The following MDGA2 variants were observed in gnomAD, a reference collection of about 807,000 sequenced individuals.
MDGA2 encodes the protein MAM domain containing glycosylphosphatidylinositol anchor 2.
MDGA2 carries 40 observed loss-of-function variants against 117.8 expected under a neutral mutation model. The ratio of observed to expected loss-of-function variants is 0.34; its 90% confidence interval spans 0.26 to 0.44. MDGA2 has a LOEUF of 0.44. MDGA2 is among the 20% of genes least tolerant of loss of function. MDGA2 has a pLI of 1.00. For missense variants in MDGA2, 1,123 were observed against 1,250.6 expected (o/e 0.90, Z 1.54); for synonymous variants, 452 against 439.0 (o/e 1.03, Z -0.37).
intron 15 of MDGA2, among the ~76,000 whole-genome samples, chr14:46,850,583 C>A (rs369135694): frequency 1.3e-5 from 2 of 151,888 alleles, no homozygotes; most frequent in African/African-American, 4.8e-5. Context: ...TAAAAATAAC[C>A]ATTAGCATTA....
At chr14:46,865,951 A>C (rs1188617265) in intron 14 of MDGA2, among the ~76,000 whole-genome samples, 3 of 151,614 alleles carry the variant, frequency 2.0e-5, no homozygotes, top group Non-Finnish European at 4.4e-5. Context: ...AATATCATGA[A>C]AATGGCCATA....
At chr14:47,097,929 TTCA>T (rs1880070338) in intron 5 of MDGA2, among the ~76,000 whole-genome samples, 2 of 152,006 alleles carry the variant, frequency 1.3e-5, no homozygotes, top group Non-Finnish European at 1.5e-5. Flanking sequence ...GTGCAGCCTT[TTCA>T]TCAAACACTC....
At chr14:46,982,188 C>T (rs974644968) in intron 8 of MDGA2, among the ~76,000 whole-genome samples, 1 of 152,120 alleles carries the variant, frequency 6.6e-6, no homozygotes, top group Non-Finnish European at 1.5e-5. Flanking sequence ...CAATAAAAGA[C>T]ACCATATCAT....
At chr14:47,558,789 G>A (rs549571563) in intron 1 of MDGA2, among the ~76,000 whole-genome samples, 4 of 151,990 alleles carry the variant, frequency 2.6e-5, no homozygotes, top group Non-Finnish European at 4.4e-5. Flanking sequence ...ATAAAATCTT[G>A]GGGGTGTATT....
At chr14:47,569,827 T>A (rs968494244) in intron 1 of MDGA2, among the ~76,000 whole-genome samples, 2 of 152,216 alleles carry the variant, frequency 1.3e-5, no homozygotes, top group African/African-American at 4.8e-5. Flanking sequence ...TATGTACAAT[T>A]AATAACTTCT....
At chr14:46,844,940 G>A (rs1215603408) in intron 16 of MDGA2, among the ~76,000 whole-genome samples, 1 of 152,100 alleles carries the variant, frequency 6.6e-6, no homozygotes, top group Non-Finnish European at 1.5e-5. Context: ...GGAGTGCAGT[G>A]GCGTGATCTT....
At chr14:47,041,336 TAAATC>T (rs1020629746) in intron 7 of MDGA2, among the ~76,000 whole-genome samples, 3 of 152,100 alleles carry the variant, frequency 2.0e-5, no homozygotes, top group Non-Finnish European at 4.4e-5. Context: ...TTTTAGGTCT[TAAATC>T]AAATTATTTA....
At chr14:47,527,508 T>C (rs1245635316) in intron 1 of MDGA2, among the ~76,000 whole-genome samples, 1 of 152,124 alleles carries the variant, frequency 6.6e-6, no homozygotes, top group Non-Finnish European at 1.5e-5. Flanking sequence ...CTGTGAAGCA[T>C]GTGTACATGA....
At chr14:47,324,497 G>A (rs781619121) in intron 1 of MDGA2, among the ~76,000 whole-genome samples, 1 of 152,042 alleles carries the variant, frequency 6.6e-6, no homozygotes, top group Non-Finnish European at 1.5e-5. Context: ...TCCAGACTCT[G>A]GAGTTCTCTG....
At chr14:47,641,793 T>G (rs540854165) in intron 1 of MDGA2, among the ~76,000 whole-genome samples, 1 of 152,284 alleles carries the variant, frequency 6.6e-6, no homozygotes, top group South Asian at 2.1e-4. Context: ...TAGCTAAGGT[T>G]GTCAGGCACT....
At chr14:47,330,006 C>G (rs1890249457) in intron 1 of MDGA2, among the ~76,000 whole-genome samples, 1 of 151,866 alleles carries the variant, frequency 6.6e-6, no homozygotes, top group Non-Finnish European at 1.5e-5. Context: ...AATATTCAAA[C>G]TGATGTTTAT....
chr14:47,112,389 C>T (rs1881090821), intron 5 of MDGA2, among the ~76,000 whole-genome samples: 1 of 151,996 alleles, frequency 6.6e-6, no homozygotes, highest in Non-Finnish European at 1.5e-5. Flanking sequence ...TATCGTGATG[C>T]TCTCCCTCCC....
chr14:47,493,490 T>C (rs1894215944), intron 1 of MDGA2, among the ~76,000 whole-genome samples: 1 of 151,828 alleles, frequency 6.6e-6, no homozygotes, highest in Non-Finnish European at 1.5e-5. Context: ...CTGAGTTTTG[T>C]ATTTTTAGTA....
At chr14:47,644,845 T>A (rs1199423064) in intron 1 of MDGA2, among the ~76,000 whole-genome samples, 6 of 152,084 alleles carry the variant, frequency 3.9e-5, no homozygotes, top group Admixed American at 3.9e-4. Flanking sequence ...ATATGTCAAT[T>A]AAAACTAAAA....
At chr14:47,226,410 G>C (rs933058447) in intron 2 of MDGA2, among the ~76,000 whole-genome samples, 1 of 151,888 alleles carries the variant, frequency 6.6e-6, no homozygotes, top group South Asian at 2.1e-4. Flanking sequence ...ACACTAGATG[G>C]GCCTTAAAGC....
intron 1 of MDGA2, among the ~76,000 whole-genome samples, chr14:47,554,580 CATG>C (rs1238443188): frequency 6.6e-6 from 1 of 152,076 alleles, no homozygotes; most frequent in African/African-American, 2.4e-5. Context: ...TAATTGTATT[CATG>C]ATAAATAATT....
At chr14:47,089,182 A>G (rs891667396) in intron 6 of MDGA2, among the ~76,000 whole-genome samples, 1 of 152,180 alleles carries the variant, frequency 6.6e-6, no homozygotes, top group Non-Finnish European at 1.5e-5. Flanking sequence ...GAAATAGAAA[A>G]GGACTATTAT....
intron 1 of MDGA2, among the ~76,000 whole-genome samples, chr14:47,473,980 G>A (rs1566474985): frequency 6.6e-6 from 1 of 152,140 alleles, no homozygotes; most frequent in Non-Finnish European, 1.5e-5. Flanking sequence ...GTTCTGGCCA[G>A]GGCAGTTAGC....
intron 1 of MDGA2, among the ~76,000 whole-genome samples, chr14:47,351,403 G>A (rs1325679633): frequency 2.0e-5 from 3 of 152,204 alleles, no homozygotes; most frequent in Non-Finnish European, 2.9e-5. Context: ...TGAATTTCAT[G>A]ATGGGCACCA....
Sources: allele counts gnomAD v4.1 joint callset (sites outside exome capture counted in the v4.1 genomes callset), GRCh38; gene constraint gnomAD v4.1.1; transcripts MANE v1.5; gene names NCBI Gene and HGNC (gene_info 2026-07-23, HGNC 2026-07-21).